Variants in HNRNPC observed in about 807,000 individuals in gnomAD.
HNRNPC encodes heterogeneous nuclear ribonucleoproteins C1/C2.
Under a neutral mutation model 33.2 loss-of-function variants are expected in HNRNPC, and 3 were observed. The ratio of observed to expected loss-of-function variants is 0.09; its 90% CI spans 0.04 to 0.23. HNRNPC has a LOEUF of 0.23. HNRNPC is among the 10% of genes least tolerant of loss of function. The probability of loss-of-function intolerance (pLI) is 1.00; values close to 1 mark genes in which losing one functional copy is unlikely to be tolerated. For synonymous variants in HNRNPC, 121 were observed against 126.7 expected (o/e 0.96, Z 0.30); for missense variants, 143 against 366.7 (o/e 0.39, Z 4.98).
chr14:21,255,089 T>C (rs976451265), intron 2 of HNRNPC, among the ~76,000 whole-genome samples: 3 of 152,200 alleles, frequency 2.0e-5, no homozygotes, highest in Non-Finnish European at 4.4e-5. Context: ...AGGATCAATA[T>C]AGGGAGTGAC....
intron 3 of HNRNPC, among the ~76,000 whole-genome samples, chr14:21,231,759 A>G (rs1386289784): frequency 6.6e-6 from 1 of 152,120 alleles, no homozygotes; most frequent in Non-Finnish European, 1.5e-5. Flanking sequence ...ACTTCAACTC[A>G]ACTCTCCCCA....
intron 1 of HNRNPC, among the ~76,000 whole-genome samples, chr14:21,266,115 C>T (rs1878935030): frequency 6.6e-6 from 1 of 152,100 alleles, no homozygotes; most frequent in African/African-American, 2.4e-5. Flanking sequence ...CAATTATTAT[C>T]ATTTTTTTGA....
Position 21,236,527 on chromosome 14 carries a change from G to C in HNRNPC, c.-36-2298C>G, listed in dbSNP as rs545309023. ...ATCAAATATTTACTAACCATGTGCT[G>C]AGTACCACATTTCAGGGAAAATCCA... On this transcript the variant is annotated intron_variant, in intron 2 of 8. Transcript: ENST00000553300. The C allele has an allele frequency of 2.6e-5, 4 of 152,250 alleles. No individual in the cohort carries two copies. In the East Asian group the frequency reaches 7.7e-4, roughly 29 times the overall value. 9.4% of individuals were successfully genotyped at this position (152,250 alleles called of 1,614,324 possible).
intron 1 of HNRNPC, among the ~76,000 whole-genome samples, chr14:21,267,395 C>CTT (rs1879199931): frequency 6.6e-6 from 1 of 152,244 alleles, no homozygotes; most frequent in East Asian, 1.9e-4. Flanking sequence ...GGAGTTTATT[C>CTT]TTTGCTTGTT....
At chr14:21,215,848 G>A (rs1260353188) in intron 5 of HNRNPC, among the ~76,000 whole-genome samples, 1 of 144,938 alleles carries the variant, frequency 6.9e-6, no homozygotes, top group Non-Finnish European at 1.5e-5. Context: ...GCAGTGAGCT[G>A]AGATCATTCC....
chr14:21,211,903 C>A lies in HNRNPC; in HGVS notation c.544G>T (p.Ala182Ser), dbSNP rs780888613. The A allele has an allele frequency of 1.2e-6, 2 of 1,612,936 alleles. No homozygotes were observed. Among genetic ancestry groups the A allele is most frequent in the Admixed American group, 3.3e-5 (2 of 59,980 alleles). Residue 182 changes from alanine to serine, a missense_variant, in exon 7 of 9, where the codon GCC becomes TCC. Around this residue, in one of 2 missense-constraint regions of HNRNPC, gnomAD observed 131 missense variants for 253.0 expected, o/e 0.52. Transcript: ENST00000553300. ...ATCTGGGTCAGCTCCTTCTTAATGGCCTGAAGGTCATCTCCTTTCACTTTA... is the reference window on the plus strand; with the variant it reads ...ATCTGGGTCAGCTCCTTCTTAATGGACTGAAGGTCATCTCCTTTCACTTTA... ...SGKLKGDDLQAIKKELTQIKQ... is the reference protein window; with the variant it reads ...SGKLKGDDLQSIKKELTQIKQ...
chr14:21,215,569 A>C (rs889210625), intron 5 of HNRNPC, among the ~76,000 whole-genome samples: 1 of 152,204 alleles, frequency 6.6e-6, no homozygotes, highest in African/African-American at 2.4e-5. Context: ...TAAGAAATTA[A>C]AACACTCTAG....
intron 5 of HNRNPC, among the ~76,000 whole-genome samples, chr14:21,215,640 C>T (rs1041845154): frequency 1.3e-4 from 20 of 152,106 alleles, no homozygotes; most frequent in African/African-American, 4.6e-4. Context: ...GAGGCTCATG[C>T]CTGTAATCCC....
At chr14:21,237,148 G>C (rs1433448163) in intron 2 of HNRNPC, among the ~76,000 whole-genome samples, 1 of 152,180 alleles carries the variant, frequency 6.6e-6, no homozygotes, top group Non-Finnish European at 1.5e-5. Flanking sequence ...TTGCATCCCT[G>C]TAAAGTCTCA....
intron 2 of HNRNPC, among the ~76,000 whole-genome samples, chr14:21,237,518 A>T (rs1314227209): frequency 2.6e-5 from 4 of 152,222 alleles, no homozygotes; most frequent in Non-Finnish European, 2.9e-5. Context: ...ACTCAGCTTC[A>T]TCTGCAATAT....
chr14:21,253,107 G>C (rs1291089766), intron 2 of HNRNPC, among the ~76,000 whole-genome samples: 4 of 150,748 alleles, frequency 2.7e-5, no homozygotes, highest in African/African-American at 9.8e-5. Context: ...CTGGGAGGTG[G>C]AAGTTGCAGT....
At chr14:21,229,368 C>CAAA (rs36094058) in intron 5 of HNRNPC, among the ~76,000 whole-genome samples, 2 of 112,304 alleles carry the variant, frequency 1.8e-5, no homozygotes, top group Non-Finnish European at 3.8e-5. Context: ...GAGACTGTCT[C>CAAA]AAAAAAAAAA....
chr14:21,266,062 G>A (rs1429806749), intron 1 of HNRNPC, among the ~76,000 whole-genome samples: 1 of 152,176 alleles, frequency 6.6e-6, no homozygotes, highest in Non-Finnish European at 1.5e-5. Context: ...GAACCACTGT[G>A]AAGATTTTAA....
intron 2 of HNRNPC, among the ~76,000 whole-genome samples, chr14:21,256,033 GT>G (rs1877131441): frequency 6.6e-6 from 1 of 152,184 alleles, no homozygotes; most frequent in African/African-American, 2.4e-5. Flanking sequence ...CTGAAGCACA[GT>G]ATATTAACAG....
chr14:21,252,422 T>G (rs1390574422), intron 2 of HNRNPC, among the ~76,000 whole-genome samples: 1 of 152,212 alleles, frequency 6.6e-6, no homozygotes, highest in East Asian at 1.9e-4. Flanking sequence ...GGGATCCTTC[T>G]GCCTCAGACT....
chr14:21,264,175 A>G (rs1878613385), intron 1 of HNRNPC: 1 of 152,236 alleles, frequency 6.6e-6, no homozygotes, highest in Non-Finnish European at 1.5e-5. Flanking sequence ...CAAATGTCAA[A>G]TACTGAGATT....
Position 21,210,228 on chromosome 14 carries a change from T to A in HNRNPC, c.*995A>T, listed in dbSNP as rs141881012. ...CCTCTCCTATTTAAGGACAAAACCA[T>A]TTAGCACAAAACACAAACCTCAGAA... On this transcript the variant is annotated 3_prime_UTR_variant, in exon 9 of 9. Coordinates refer to ENST00000553300, the MANE Select transcript of HNRNPC (RefSeq NM_004500.4). 4 of 152,292 alleles carry A rather than the reference T, an allele frequency of 2.6e-5. No individual in the cohort carries two copies. In the East Asian group the frequency reaches 7.7e-4, roughly 29 times the overall value. 9.4% of individuals were successfully genotyped at this position (152,292 alleles called of 1,614,324 possible).
chr14:21,268,225 AG>A (rs569185120), intron 1 of HNRNPC, among the ~76,000 whole-genome samples: 2 of 152,206 alleles, frequency 1.3e-5, no homozygotes, highest in Non-Finnish European at 2.9e-5. Context: ...AGCAAATAAT[AG>A]GCACTGTTAA....
intron 2 of HNRNPC, among the ~76,000 whole-genome samples, chr14:21,260,211 A>AG: frequency 6.7e-6 from 1 of 149,522 alleles, no homozygotes; most frequent in East Asian, 2.0e-4. Context: ...AAAAAAAAAA[A>AG]AAAAAATTAG....
Sources: allele counts gnomAD v4.1 joint callset (sites outside exome capture counted in the v4.1 genomes callset), GRCh38; gene constraint gnomAD v4.1.1; regional missense constraint gnomAD v4.1.1; transcripts MANE v1.5; gene names NCBI Gene and HGNC (gene_info 2026-07-23, HGNC 2026-07-21).